The following EXOC4 variants were observed in gnomAD, a reference collection of about 807,000 sequenced individuals.
EXOC4 encodes SEC8-like 1.
Under a neutral mutation model 107.2 loss-of-function variants are expected in EXOC4, and 71 were observed. The ratio of observed to expected loss-of-function variants is 0.66; its 90% confidence interval spans 0.55 to 0.81. The LOEUF (loss-of-function observed/expected upper bound fraction) is 0.81. Among genes scored for constraint, EXOC4 ranks in the 30% least tolerant of loss-of-function variants. The pLI is 0.00. For synonymous variants in EXOC4, 456 were observed against 441.2 expected (o/e 1.03, Z -0.42); for missense variants, 1,108 against 1,189.6 (o/e 0.93, Z 1.01).
chr7:134,008,898 T>A (rs527289617), intron 17 of EXOC4, among the ~76,000 whole-genome samples: 1 of 152,306 alleles, frequency 6.6e-6, no homozygotes, highest in African/African-American at 2.4e-5. Flanking sequence ...CCAAAAGCAC[T>A]GGAATTATAG....
At chr7:133,490,275 G>C (rs1406366156) in intron 9 of EXOC4, among the ~76,000 whole-genome samples, 1 of 152,144 alleles carries the variant, frequency 6.6e-6, no homozygotes, top group African/African-American at 2.4e-5. Context: ...TTTGATTCAT[G>C]TTACATGCAG....
intron 9 of EXOC4, among the ~76,000 whole-genome samples, chr7:133,516,757 C>CTTTTTTTTTTTTTTTTTTTTT (rs1563093913): frequency 1.7e-3 from 9 of 5,262 alleles, no homozygotes; most frequent in Non-Finnish European, 2.1e-3. Flanking sequence ...ACTAGCTGCT[C>CTTTTTTTTTTTTTTTTTTTTT]ATTTTTTTTT....
rs985768534 is a variant in EXOC4 at position 133,846,796 on chromosome 7, C to T, written c.1734+29252C>T. On this transcript the variant is annotated intron_variant, in intron 11 of 17. Coordinates refer to ENST00000253861, the MANE Select transcript of EXOC4 (RefSeq NM_021807.4). The stretch of plus-strand genomic sequence containing the variant: ...GGCAGGCCACATTTGGCCCTCAGGC[C>T]GTACTTTGCTGACTCCTGGTATCTG... Among the ~76,000 whole-genome samples, 23 of 152,324 alleles carry T rather than the reference C, an allele frequency of 1.5e-4. No homozygotes were observed. In the South Asian group the frequency reaches 1.7e-3, roughly 11 times the overall value.
chr7:133,567,045 T>G (rs1300187095), intron 9 of EXOC4, among the ~76,000 whole-genome samples: 3 of 152,150 alleles, frequency 2.0e-5, no homozygotes, highest in Non-Finnish European at 1.5e-5. Flanking sequence ...TATGCTGGCT[T>G]AAGAAAACCA....
At chr7:133,615,546 C>T (rs1802175018) in intron 9 of EXOC4, among the ~76,000 whole-genome samples, 1 of 152,120 alleles carries the variant, frequency 6.6e-6, no homozygotes, top group South Asian at 2.1e-4. Flanking sequence ...GGAGAAGCAA[C>T]CCTATCCTGC....
In EXOC4 at chr7:134,064,738, T is replaced by G; in HGVS notation, c.*210T>G. 1 of 354,986 alleles carries G rather than the reference T, an allele frequency of 2.8e-6. No individual in the cohort carries two copies. Among genetic ancestry groups the G allele is most frequent in the Non-Finnish European group, 5.1e-6 (1 of 197,652 alleles). The allele number at this position is 354,986 out of a possible 1,614,324, so 22.0% of individuals were successfully genotyped here. A position where few individuals can be genotyped will look rare whatever the true frequency, so the allele number is the denominator to read the frequency against. ...AGAGTGTTTTGGTTGAACAACTACT[T>G]TAATGCAGTCAAATCTAACGGGACT... On this transcript the variant is annotated 3_prime_UTR_variant, in exon 18 of 18. Coordinates refer to ENST00000253861, the MANE Select transcript of EXOC4 (RefSeq NM_021807.4).
At chr7:133,377,220 G>A (rs1001657661) in intron 7 of EXOC4, among the ~76,000 whole-genome samples, 4 of 152,130 alleles carry the variant, frequency 2.6e-5, no homozygotes, top group Non-Finnish European at 5.9e-5. Context: ...TGGGCGTGGT[G>A]GCAGGCACCT....
At chr7:133,590,682 C>G (rs918603909) in intron 9 of EXOC4, among the ~76,000 whole-genome samples, 1 of 152,106 alleles carries the variant, frequency 6.6e-6, no homozygotes. Flanking sequence ...TGGGGATGGC[C>G]GAACCTCTGG....
At chr7:133,496,975 G>T (rs1025921711) in intron 9 of EXOC4, among the ~76,000 whole-genome samples, 2 of 152,124 alleles carry the variant, frequency 1.3e-5, no homozygotes, top group East Asian at 1.9e-4. Context: ...GCAGCAGAAG[G>T]TGCTCTTCTG....
At chr7:133,512,087 AC>A (rs1293734307) in intron 9 of EXOC4, among the ~76,000 whole-genome samples, 1 of 152,220 alleles carries the variant, frequency 6.6e-6, no homozygotes, top group African/African-American at 2.4e-5. Flanking sequence ...CAAATATCAC[AC>A]AAATAGTTGT....
chr7:133,579,438 ATTTATC>A (rs889733264), intron 9 of EXOC4, among the ~76,000 whole-genome samples: 4 of 152,246 alleles, frequency 2.6e-5, no homozygotes, highest in East Asian at 3.9e-4. Context: ...AAGCACTAGT[ATTTATC>A]TTTATCATGT....
At chr7:133,368,720 T>C (rs1010711074) in intron 6 of EXOC4, among the ~76,000 whole-genome samples, 3 of 152,198 alleles carry the variant, frequency 2.0e-5, no homozygotes, top group Non-Finnish European at 4.4e-5. Flanking sequence ...ATATTTTCTT[T>C]CACTAACTGT....
At chr7:133,803,194 T>C in intron 10 of EXOC4, among the ~76,000 whole-genome samples, 1 of 152,194 alleles carries the variant, frequency 6.6e-6, no homozygotes, top group Non-Finnish European at 1.5e-5. Flanking sequence ...TTTCGCAAGT[T>C]TTATCTGAGC....
At chr7:133,766,901 CT>C (rs1297713373) in intron 10 of EXOC4, among the ~76,000 whole-genome samples, 8 of 151,902 alleles carry the variant, frequency 5.3e-5, no homozygotes, top group African/African-American at 1.4e-4. Flanking sequence ...GGAGTTGAGT[CT>C]TTCCCATTTC....
At chr7:133,861,384 T>C (rs1356709895) in intron 11 of EXOC4, among the ~76,000 whole-genome samples, 1 of 152,132 alleles carries the variant, frequency 6.6e-6, no homozygotes, top group Non-Finnish European at 1.5e-5. Context: ...ATGACAAACC[T>C]GCACATGTGC....
intron 9 of EXOC4, among the ~76,000 whole-genome samples, chr7:133,546,409 C>T (rs770550394): frequency 2.8e-4 from 42 of 151,976 alleles, no homozygotes; most frequent in Admixed American, 2.6e-3. Flanking sequence ...GCATGTGCCA[C>T]CATACCCAGC....
chr7:133,431,072 G>A (rs536712995), intron 7 of EXOC4, among the ~76,000 whole-genome samples: 19 of 152,308 alleles, frequency 1.2e-4, no homozygotes, highest in African/African-American at 3.1e-4. Context: ...GAGATGTCAG[G>A]TAACTTTCTA....
intron 9 of EXOC4, among the ~76,000 whole-genome samples, chr7:133,597,510 C>G (rs1390279260): frequency 6.9e-6 from 1 of 145,850 alleles, no homozygotes. Context: ...GCTGAGATCG[C>G]ACCATTGCAC....
At chr7:133,618,840 G>A (rs1314495148) in intron 9 of EXOC4, among the ~76,000 whole-genome samples, 2 of 151,998 alleles carry the variant, frequency 1.3e-5, no homozygotes, top group Non-Finnish European at 2.9e-5. Flanking sequence ...ATTATTTATT[G>A]AACATAGTAA....
Sources: allele counts gnomAD v4.1 joint callset (sites outside exome capture counted in the v4.1 genomes callset), GRCh38; gene constraint gnomAD v4.1.1; transcripts MANE v1.5; gene names NCBI Gene and HGNC (gene_info 2026-07-23, HGNC 2026-07-21).